Variants in GPC5 observed in about 807,000 individuals in gnomAD.
GPC5 encodes glypican 5.
Under a neutral mutation model 53.9 loss-of-function variants are expected in GPC5, and 47 were observed. The observed-to-expected ratio is 0.87, with a 90% CI of 0.69 to 1.11. The LOEUF is 1.11. Among genes scored for constraint, GPC5 ranks in the 50% most tolerant of loss-of-function variants. GPC5 has a pLI of 0.00. For missense variants in GPC5, 748 were observed against 713.1 expected, an observed-to-expected ratio of 1.05 and a Z score of -0.56; for synonymous variants, 286 against 263.3, an observed-to-expected ratio of 1.09 and a Z score of -0.84.
At position 92,663,856 on chromosome 13, in the gene GPC5, CTATATATATATAT is replaced by C. The variant is rs1361269931; in HGVS notation, c.1562-202425_1562-202413del. ...CACTATATATATATACACACACACA[CTATATATATATAT>C]ATATATATATATATATATATATATA... On this transcript the variant is annotated intron_variant, in intron 7 of 7. Transcript: ENST00000377067. 3.4e-5 allele frequency among the ~76,000 whole-genome samples: 3 copies of C among 88,340 alleles called. 1 individual carries two copies. The highest frequency in any genetic ancestry group is 6.5e-5 in the Non-Finnish European group (3 of 45,848). 58.0% of individuals were successfully genotyped at this position (88,340 alleles called of 152,430 possible). A position where few individuals can be genotyped will look rare whatever the true frequency, so the allele number is the denominator to read the frequency against.
chr13:91,633,081 T>G (rs1246641774), intron 2 of GPC5, among the ~76,000 whole-genome samples: 1 of 152,136 alleles, frequency 6.6e-6, no homozygotes, highest in Non-Finnish European at 1.5e-5. Context: ...ATGCTACAAA[T>G]TAGACTTGAT....
chr13:92,807,480 T>G (rs1344009778), intron 7 of GPC5, among the ~76,000 whole-genome samples: 1 of 152,082 alleles, frequency 6.6e-6, no homozygotes, highest in Non-Finnish European at 1.5e-5. Flanking sequence ...CTTGACTGTG[T>G]ACTCTCAGTT....
rs540636758 is a variant in GPC5, at chr13:92,352,914, A to AAAGG, written c.1561+207927_1561+207928insGGAA. Among the ~76,000 whole-genome samples, 6 of 152,296 alleles carry AAAGG rather than the reference A, an allele frequency of 3.9e-5. No homozygotes were observed. In the South Asian group the frequency reaches 1.2e-3, roughly 32 times the overall value. ...AAATAAGAGTGAAGGATAATGGAAA[A>AAAGG]AATAATATTGATGGTGGTGCTGTTC... is the stretch of plus-strand genomic sequence containing the variant. On this transcript the variant is annotated intron_variant, in intron 7 of 7. Coordinates refer to ENST00000377067, the MANE Select transcript of GPC5 (RefSeq NM_004466.6).
At chr13:91,538,474 GC>G (rs1886687942) in intron 2 of GPC5, among the ~76,000 whole-genome samples, 1 of 151,992 alleles carries the variant, frequency 6.6e-6, no homozygotes, top group African/African-American at 2.4e-5. Context: ...AACTACCTGA[GC>G]CTCTCCAGGT....
At chr13:91,455,316 C>T (rs1263899524) in intron 2 of GPC5, among the ~76,000 whole-genome samples, 4 of 151,996 alleles carry the variant, frequency 2.6e-5, no homozygotes, top group African/African-American at 7.2e-5. Flanking sequence ...TTGAAACTCA[C>T]TCTAGTGGTT....
At chr13:92,674,758 A>T (rs1886877788) in intron 7 of GPC5, among the ~76,000 whole-genome samples, 1 of 152,188 alleles carries the variant, frequency 6.6e-6, no homozygotes, top group African/African-American at 2.4e-5. Flanking sequence ...AATAAATTAG[A>T]ACTTAGAAAA....
chr13:92,182,043 C>G (rs1295308436), intron 7 of GPC5, among the ~76,000 whole-genome samples: 1 of 152,080 alleles, frequency 6.6e-6, no homozygotes, highest in Admixed American at 6.6e-5. Context: ...AGAACTTTTC[C>G]TTCAATAAAA....
intron 6 of GPC5, chr13:92,060,005 G>A (rs1484622230): frequency 6.6e-6 from 1 of 151,594 alleles, no homozygotes; most frequent in African/African-American, 2.4e-5. Flanking sequence ...TATTTTTAAA[G>A]TTCACTTAAG....
chr13:91,950,080 T>A (rs1365412999), intron 6 of GPC5, among the ~76,000 whole-genome samples: 1 of 152,020 alleles, frequency 6.6e-6, no homozygotes, highest in Non-Finnish European at 1.5e-5. Context: ...TACAGAAAAA[T>A]TTAAAACTTG....
At chr13:91,957,822 A>C (rs2040087963) in intron 6 of GPC5, among the ~76,000 whole-genome samples, 1 of 152,224 alleles carries the variant, frequency 6.6e-6, no homozygotes, top group East Asian at 1.9e-4. Flanking sequence ...CAGGAGGATG[A>C]TATCTACCAT....
At chr13:91,973,097 G>GGTACACCAATCA (rs1390704427) in intron 6 of GPC5, among the ~76,000 whole-genome samples, 1 of 152,142 alleles carries the variant, frequency 6.6e-6, no homozygotes, top group Admixed American at 6.5e-5. Context: ...GTCACTTTCA[G>GGTACACCAATCA]GTACACCAAT....
At chr13:91,609,940 G>A (rs542300192) in intron 2 of GPC5, among the ~76,000 whole-genome samples, 1 of 152,308 alleles carries the variant, frequency 6.6e-6, no homozygotes, top group East Asian at 1.9e-4. Flanking sequence ...GCGATTCAAA[G>A]ACAGGTCCTC....
Position 92,158,242 on chromosome 13 carries a change from C to T in GPC5, c.1561+13253C>T, listed in dbSNP as rs114917698. ...CCACTTTTGAGGAAGGAATGATAGA[C>T]GAGGCTGAGAAAGCAGTTGGTGGCC... On this transcript the variant is annotated intron_variant, in intron 7 of 7. Coordinates refer to ENST00000377067, the MANE Select transcript of GPC5 (RefSeq NM_004466.6). Among the ~76,000 whole-genome samples the T allele has an allele frequency of 7.0e-3, 1,060 of 152,262 alleles. 10 individuals carry two copies. The highest frequency in any genetic ancestry group is 0.024 in the African/African-American group (1,011 of 41,564).
chr13:92,113,088 T>G (rs879622510), intron 6 of GPC5, among the ~76,000 whole-genome samples: 8 of 152,152 alleles, frequency 5.3e-5, no homozygotes, highest in Admixed American at 5.2e-4. Context: ...ATGGTACCTT[T>G]TTAAATTTCC....
At chr13:92,758,467 A>G (rs1418816511) in intron 7 of GPC5, among the ~76,000 whole-genome samples, 2 of 152,058 alleles carry the variant, frequency 1.3e-5, no homozygotes, top group African/African-American at 4.8e-5. Context: ...CTAAAACTTA[A>G]AGTATAATAA....
intron 2 of GPC5, among the ~76,000 whole-genome samples, chr13:91,478,822 T>TATATATATATATACAC (rs1323023652): frequency 5.3e-4 from 49 of 92,154 alleles, no homozygotes; most frequent in African/African-American, 2.4e-3. Context: ...TATATATATA[T>TATATATATATATACAC]ACACACACAC....
intron 2 of GPC5, among the ~76,000 whole-genome samples, chr13:91,683,045 A>T (rs9589333): frequency 0.021 from 3,198 of 152,236 alleles, 107 homozygotes; most frequent in African/African-American, 0.069. Context: ...GGGGAAAAAA[A>T]AAAAGGTCTT....
intron 6 of GPC5, among the ~76,000 whole-genome samples, chr13:92,003,325 CAAAAAAAA>C (rs57075719): frequency 9.0e-5 from 9 of 100,182 alleles, no homozygotes; most frequent in South Asian, 3.3e-4. Context: ...TGTCTTAACA[CAAAAAAAA>C]AAAAAAAAAA....
intron 2 of GPC5, among the ~76,000 whole-genome samples, chr13:91,614,291 A>G (rs958346206): frequency 6.6e-6 from 1 of 152,304 alleles, no homozygotes; most frequent in Admixed American, 6.5e-5. Context: ...TAGGTTTGGT[A>G]TCAGGCAACT....
Sources: allele counts gnomAD v4.1 joint callset (sites outside exome capture counted in the v4.1 genomes callset), GRCh38; gene constraint gnomAD v4.1.1; transcripts MANE v1.5; gene names NCBI Gene and HGNC (gene_info 2026-07-23, HGNC 2026-07-21).